GABRG3: variants seen among roughly 807,000 people sequenced by gnomAD.
GABRG3 encodes gamma-aminobutyric acid receptor subunit gamma-3.
A neutral mutation model predicts 48.8 loss-of-function variants in GABRG3; 25 were observed. The ratio of observed to expected loss-of-function variants is 0.51; its 90% CI spans 0.37 to 0.72. The LOEUF is 0.72. Ranked by LOEUF, GABRG3 falls within the 30% of genes least tolerant of loss-of-function variation. The probability of loss-of-function intolerance (pLI) is 0.00; values close to 1 mark genes in which losing one functional copy is unlikely to be tolerated. For missense variants in GABRG3, 394 were observed against 577.9 expected, an observed-to-expected ratio of 0.68 and a Z score of 3.26; for synonymous variants, 227 against 217.6, an observed-to-expected ratio of 1.04 and a Z score of -0.38.
intron 5 of GABRG3, among the ~76,000 whole-genome samples, chr15:27,416,806 C>T (rs1267263287): frequency 1.3e-5 from 2 of 152,168 alleles, no homozygotes; most frequent in African/African-American, 4.8e-5. Context: ...TGGTTTTGCC[C>T]TGTGACCTCA....
At chr15:27,423,514 T>C (rs1888194520) in intron 5 of GABRG3, among the ~76,000 whole-genome samples, 1 of 151,288 alleles carries the variant, frequency 6.6e-6, no homozygotes. Flanking sequence ...GAGCAATCCA[T>C]TTACTTCTCC....
At position 26,976,976 on chromosome 15, in the gene GABRG3, G is replaced by T; in HGVS notation, c.54-26G>T. 1 of 1,613,632 alleles carries T rather than the reference G, an allele frequency of 6.2e-7. No homozygotes were observed. Among genetic ancestry groups the T allele is most frequent in the South Asian group, 1.1e-5 (1 of 91,034 alleles). On this transcript the variant is annotated intron_variant, in intron 1 of 9. Coordinates refer to ENST00000615808, the MANE Select transcript of GABRG3 (RefSeq NM_033223.5). This position sits in a 1 kb window ranked among gnomAD's most constrained non-coding sequence, Gnocchi z 7.8. ...CTAGAGCCATTGCTGCCACTTATAT[G>T]TCGCATTTTTGTGCTGTAACTCCAG...
chr15:27,062,609 A>G (rs1896670563), intron 3 of GABRG3, among the ~76,000 whole-genome samples: 1 of 152,014 alleles, frequency 6.6e-6, no homozygotes, highest in Non-Finnish European at 1.5e-5. Context: ...CTGTGTTTCA[A>G]AAAACAAACA....
intron 5 of GABRG3, among the ~76,000 whole-genome samples, chr15:27,434,342 CGG>C (rs1180089779): frequency 1.3e-5 from 2 of 152,116 alleles, no homozygotes; most frequent in African/African-American, 2.4e-5. Context: ...CTTTGAGAAC[CGG>C]CAGAATTCAA....
At chr15:27,125,399 A>G (rs1226632680) in intron 3 of GABRG3, among the ~76,000 whole-genome samples, 3 of 152,208 alleles carry the variant, frequency 2.0e-5, no homozygotes, top group Non-Finnish European at 4.4e-5. Flanking sequence ...GCACAAAGTT[A>G]TAGCCAAATA....
At chr15:27,006,714 A>C (rs1394181984) in intron 2 of GABRG3, among the ~76,000 whole-genome samples, 1 of 151,954 alleles carries the variant, frequency 6.6e-6, no homozygotes, top group East Asian at 1.9e-4. Flanking sequence ...GTCTGTGTGT[A>C]CTCAGTGTTT....
intron 3 of GABRG3, among the ~76,000 whole-genome samples, chr15:27,144,750 A>T (rs1458865007): frequency 6.6e-6 from 1 of 152,222 alleles, no homozygotes; most frequent in African/African-American, 2.4e-5. Context: ...CTTATGACTG[A>T]CCTTGGAATG....
At chr15:27,389,450 A>C (rs1896154359) in intron 5 of GABRG3, among the ~76,000 whole-genome samples, 1 of 152,310 alleles carries the variant, frequency 6.6e-6, no homozygotes. Flanking sequence ...TTTTCAACCA[A>C]ATTTTGTACC....
chr15:27,463,591 G>A (rs1889514222), intron 5 of GABRG3, among the ~76,000 whole-genome samples: 1 of 152,160 alleles, frequency 6.6e-6, no homozygotes, highest in African/African-American at 2.4e-5. Flanking sequence ...TTGAAACCAT[G>A]CTGTGTGACC....
chr15:27,480,601 A>C (rs760147809), intron 5 of GABRG3, 49 bp from the exon 6 acceptor site: 1 of 1,479,466 alleles, frequency 6.8e-7, no homozygotes, highest in Non-Finnish European at 9.3e-7. Flanking sequence ...CACTTTAATG[A>C]TTTATAAATG....
At chr15:27,418,845 A>G (rs1292283580) in intron 5 of GABRG3, 3 of 152,230 alleles carry the variant, frequency 2.0e-5, no homozygotes, top group Admixed American at 2.0e-4. Flanking sequence ...CCTTTTTAAA[A>G]AAAATAAAAC....
chr15:27,432,072 C>A (rs1389539092), intron 5 of GABRG3, among the ~76,000 whole-genome samples: 2 of 152,128 alleles, frequency 1.3e-5, no homozygotes, highest in Admixed American at 1.3e-4. Context: ...TATGGCTCAT[C>A]CTGTAGGATA....
At chr15:27,241,937 T>TCAGTC (rs1161778356) in intron 3 of GABRG3, among the ~76,000 whole-genome samples, 1 of 152,236 alleles carries the variant, frequency 6.6e-6, no homozygotes, top group African/African-American at 2.4e-5. Context: ...TGACAAATAG[T>TCAGTC]AACAGAGACT....
At chr15:27,341,063 A>G in intron 5 of GABRG3, 1 of 446,238 alleles carries the variant, frequency 2.2e-6, no homozygotes, top group Non-Finnish European at 4.4e-6. Flanking sequence ...TCTTCAAACT[A>G]CTGAAGAGTT....
intron 3 of GABRG3, among the ~76,000 whole-genome samples, chr15:27,027,659 C>A (rs775720205): frequency 6.6e-5 from 10 of 152,112 alleles, no homozygotes; most frequent in South Asian, 2.1e-4. Flanking sequence ...GGGTTCCATG[C>A]AGGGGTAAAG....
chr15:27,146,036 T>C (rs2140393142), intron 3 of GABRG3, among the ~76,000 whole-genome samples: 1 of 152,230 alleles, frequency 6.6e-6, no homozygotes, highest in South Asian at 2.1e-4. Context: ...ATGAAGAAGT[T>C]AGACATCCCA....
chr15:27,293,677 C>CA (rs955379793), intron 3 of GABRG3, among the ~76,000 whole-genome samples: 52 of 138,106 alleles, frequency 3.8e-4, no homozygotes, highest in African/African-American at 1.1e-3. Context: ...GATTCTGTCT[C>CA]AAAAAAAACA....
In GABRG3 at chr15:27,236,828, G is replaced by C. The variant is rs971718158; in HGVS notation, c.271-89981G>C. On this transcript the variant is annotated intron_variant, in intron 3 of 9. Transcript: ENST00000615808. This position sits in a 1 kb window ranked among gnomAD's most constrained non-coding sequence, Gnocchi z 4.4. ...AGAGGCATGAAGCGCAATTGCACGT[G>C]TGTTTGTTTTATCAATATTCGTGAT... Among the ~76,000 whole-genome samples the C allele has an allele frequency of 1.3e-5, 2 of 152,066 alleles. No homozygotes were observed. The highest frequency in any genetic ancestry group is 4.8e-5 in the African/African-American group (2 of 41,324).
At position 26,993,678 on chromosome 15, in the gene GABRG3, C is replaced by A. The variant is rs989839806; in HGVS notation, c.202+16528C>A. Among the ~76,000 whole-genome samples the A allele has an allele frequency of 2.6e-5, 4 of 151,912 alleles. No individual in the cohort carries two copies. In the East Asian group the frequency reaches 7.7e-4, roughly 29 times the overall value. On this transcript the variant is annotated intron_variant, in intron 2 of 9. Transcript: ENST00000615808. ...GAGGAGAAAAATGTGTTTTCTGCAG[C>A]CCTTGAATGCAGTGTTCTGTGAATA...
Sources: allele counts gnomAD v4.1 joint callset (sites outside exome capture counted in the v4.1 genomes callset), GRCh38; gene constraint gnomAD v4.1.1; non-coding constraint Gnocchi (gnomAD v3.1); transcripts MANE v1.5; gene names NCBI Gene and HGNC (gene_info 2026-07-23, HGNC 2026-07-21).